The following L3MBTL3 variants were observed in gnomAD, a reference collection of about 807,000 sequenced individuals.
L3MBTL3 encodes the protein L3MBTL histone methyl-lysine binding protein 3.
A neutral mutation model predicts 102.3 loss-of-function variants in L3MBTL3; 27 were observed. The ratio of observed to expected loss-of-function variants is 0.26; its 90% confidence interval spans 0.19 to 0.36. The LOEUF is 0.36. Among genes scored for constraint, L3MBTL3 ranks in the 10% least tolerant of loss-of-function variants. The pLI, the probability that L3MBTL3 is intolerant of heterozygous loss-of-function variation, is 1.00. For missense variants in L3MBTL3, 798 were observed against 955.3 expected (o/e 0.84, Z 2.17); for synonymous variants, 340 against 320.9 (o/e 1.06, Z -0.64).
chr6:130,034,419 A>G (rs997222000), intron 2 of L3MBTL3, among the ~76,000 whole-genome samples: 3 of 152,176 alleles, frequency 2.0e-5, no homozygotes, highest in African/African-American at 4.8e-5. Flanking sequence ...TGATTTTTTT[A>G]CTGTCTGGAG....
At chr6:130,087,326 C>T (rs1207237062) in intron 16 of L3MBTL3, among the ~76,000 whole-genome samples, 1 of 151,938 alleles carries the variant, frequency 6.6e-6, no homozygotes, top group African/African-American at 2.4e-5. Flanking sequence ...TTTTCAAGTG[C>T]ATTTTCTTAT....
At chr6:130,055,959 A>T (rs1584336801) in intron 8 of L3MBTL3, among the ~76,000 whole-genome samples, 1 of 110,532 alleles carries the variant, frequency 9.0e-6, no homozygotes, top group African/African-American at 3.7e-5. Context: ...ATGGATTCTC[A>T]CTCTGTCACC....
rs73602372 is a variant in L3MBTL3, at chr6:130,133,320, A to G, written c.1967-132A>G. On this transcript the variant is annotated intron_variant, in intron 20 of 22. Transcript: ENST00000361794. The surrounding 1 kb of genome is among the most constrained non-coding windows in gnomAD (Gnocchi z 4.9). Reference sequence around the variant, plus strand: ...GTAAAGACAAAGAAGAGCCTATTCAATAGTATAATGCTGAAAGGAACCAAT... The same window carrying G: ...GTAAAGACAAAGAAGAGCCTATTCAGTAGTATAATGCTGAAAGGAACCAAT... The G allele has an allele frequency of 0.056, 42,569 of 762,158 alleles. 2,020 individuals carry two copies. Among genetic ancestry groups the G allele is most frequent in the African/African-American group, 0.16 (9,426 of 57,244 alleles). The allele number at this position is 762,158 out of a possible 1,614,324, so 47.2% of individuals were successfully genotyped here.
intron 20 of L3MBTL3, among the ~76,000 whole-genome samples, chr6:130,125,949 C>CA (rs1470442959): frequency 6.6e-6 from 1 of 151,516 alleles, no homozygotes; most frequent in Admixed American, 6.6e-5. Context: ...CCCTCCCCCC[C>CA]ACCCATTTCT....
At chr6:130,056,881 C>T (rs952975105) in intron 8 of L3MBTL3, among the ~76,000 whole-genome samples, 2 of 152,186 alleles carry the variant, frequency 1.3e-5, no homozygotes, top group Non-Finnish European at 2.9e-5. Flanking sequence ...ATTTTTCCTT[C>T]ATTTCCAGTA....
chr6:130,052,521 A>G (rs763549277), intron 6 of L3MBTL3, among the ~76,000 whole-genome samples: 6 of 152,252 alleles, frequency 3.9e-5, no homozygotes, highest in Non-Finnish European at 8.8e-5. Context: ...CTGAAAACAA[A>G]TATCTCTAAA....
intron 10 of L3MBTL3, among the ~76,000 whole-genome samples, chr6:130,063,857 A>G (rs759077192): frequency 2.6e-5 from 4 of 152,200 alleles, no homozygotes; most frequent in Non-Finnish European, 4.4e-5. Context: ...GGACCACACA[A>G]AAGACACTTA....
In L3MBTL3 at chr6:130,042,716, C is replaced by G. The variant is rs746041762; in HGVS notation, c.17C>G (p.Ser6Cys). 2 of 1,612,806 alleles carry G rather than the reference C, an allele frequency of 1.2e-6. No homozygotes were observed. Among genetic ancestry groups the G allele is most frequent in the African/African-American group, 1.3e-5 (1 of 74,866 alleles). ...AAATAAATCATGACTGAATCTGCCT[C>G]TAGCACAAGTGGTCAAGAGTTTGAT... MTESA[S>C]STSGQEFDVF... Residue 6 changes from serine to cysteine, a missense_variant, in exon 3 of 23, where the codon TCT becomes TGT. Physicochemically the swap from Ser to Cys is moderately radical, Grantham distance 112 (BLOSUM62 -1). Around this residue, in one of 4 missense-constraint regions of L3MBTL3, gnomAD observed 434 missense variants for 506.6 expected, o/e 0.86. Coordinates refer to ENST00000361794, the MANE Select transcript of L3MBTL3 (RefSeq NM_032438.4).
At position 130,066,365 on chromosome 6, in the gene L3MBTL3, C is replaced by A. The variant is rs1323890504; in HGVS notation, c.877C>A (p.Arg293=). Residue 293 remains arginine (R), a synonymous_variant, in exon 11 of 23, where the codon CGG becomes AGG. Coordinates refer to ENST00000361794, the MANE Select transcript of L3MBTL3 (RefSeq NM_032438.4). ...TTACCTGTTTCAGGTTTGTGGATAC[C>A]GGATAAAGCTTCACTTTGATGGGTA... ...VLTVAEVCGY[R]IKLHFDGYSD... 1.3e-6 allele frequency: 2 copies of A among 1,586,754 alleles called. No homozygotes were observed. The highest frequency in any genetic ancestry group is 1.7e-6 in the Non-Finnish European group (2 of 1,167,634).
At chr6:130,067,239 G>A (rs1351190722) in intron 11 of L3MBTL3, among the ~76,000 whole-genome samples, 2 of 151,928 alleles carry the variant, frequency 1.3e-5, no homozygotes, top group Non-Finnish European at 2.9e-5. Context: ...TCAGCCTCCC[G>A]AATAGCTGGG....
In L3MBTL3 at chr6:130,087,317, T is replaced by C. The variant is rs1475194464; in HGVS notation, c.1518+1067T>C. Among the ~76,000 whole-genome samples, 6 of 152,272 alleles carry C rather than the reference T, an allele frequency of 3.9e-5. No individual in the cohort carries two copies. The East Asian group carries it at 1.2e-3, about 29-fold the overall frequency. ...AATGCAAGACCTGTGCTAACCATAT[T>C]TTCAAGTGCATTTTCTTATTATATT... On this transcript the variant is annotated intron_variant, in intron 16 of 22. Coordinates refer to ENST00000361794, the MANE Select transcript of L3MBTL3 (RefSeq NM_032438.4).
chr6:130,074,412 C>T (rs978713313), intron 13 of L3MBTL3, among the ~76,000 whole-genome samples: 1 of 152,072 alleles, frequency 6.6e-6, no homozygotes, highest in Non-Finnish European at 1.5e-5. Context: ...GGTAGCTGTT[C>T]GATTCTATCT....
At chr6:130,100,201 C>T (rs1011784898) in intron 18 of L3MBTL3, among the ~76,000 whole-genome samples, 1 of 152,106 alleles carries the variant, frequency 6.6e-6, no homozygotes, top group Non-Finnish European at 1.5e-5. Flanking sequence ...GGGTAATGCA[C>T]TTAATCCGAG....
chr6:130,054,530 T>G (rs762809455), intron 7 of L3MBTL3, among the ~76,000 whole-genome samples: 1 of 151,888 alleles, frequency 6.6e-6, no homozygotes, highest in Non-Finnish European at 1.5e-5. Flanking sequence ...GTTGTCAGAG[T>G]GTGTGAGGAA....
intron 17 of L3MBTL3, among the ~76,000 whole-genome samples, chr6:130,093,752 G>T (rs1177326584): frequency 1.3e-5 from 2 of 152,200 alleles, no homozygotes; most frequent in African/African-American, 4.8e-5. Context: ...AACCGAATGT[G>T]CCTGAATGCT....
intron 10 of L3MBTL3, among the ~76,000 whole-genome samples, 184 bp downstream of exon 10, chr6:130,060,324 T>G (rs550360132): frequency 9.2e-5 from 14 of 152,294 alleles, no homozygotes; most frequent in African/African-American, 3.4e-4. Flanking sequence ...CTCTGTTGTG[T>G]AGGTTAGGGA....
intron 2 of L3MBTL3, among the ~76,000 whole-genome samples, chr6:130,025,966 G>A (rs1281197066): frequency 6.6e-6 from 1 of 152,044 alleles, no homozygotes; most frequent in Non-Finnish European, 1.5e-5. Context: ...ATACACATAC[G>A]ATGGCAATTA....
At chr6:130,078,357 TATA>T (rs1358205016) in intron 13 of L3MBTL3, among the ~76,000 whole-genome samples, 198 bp from the exon 14 acceptor site, 1 of 152,212 alleles carries the variant, frequency 6.6e-6, no homozygotes, top group African/African-American at 2.4e-5. Flanking sequence ...GTCAAATCCA[TATA>T]ATGTTTATCT....
chr6:130,031,943 A>G (rs936943222), intron 2 of L3MBTL3, among the ~76,000 whole-genome samples: 1 of 152,096 alleles, frequency 6.6e-6, no homozygotes, highest in African/African-American at 2.4e-5. Flanking sequence ...ATAGAGCTTC[A>G]CTGTGTTGCC....
Sources: gnomAD v4.1 joint callset for allele counts (sites outside exome capture counted in the v4.1 genomes callset) on GRCh38, gnomAD v4.1.1 for gene constraint, gnomAD v4.1.1 regional missense constraint, Gnocchi (gnomAD v3.1) non-coding constraint, MANE v1.5 for transcripts, NCBI Gene and HGNC (gene_info 2026-07-23, HGNC 2026-07-21) for gene names.